The following STXBP5L variants were observed in gnomAD, a reference collection of about 807,000 sequenced individuals.
STXBP5L encodes the protein syntaxin-binding protein 5-like.
STXBP5L carries 65 observed loss-of-function variants against 144.5 expected under a neutral mutation model. The ratio of observed to expected loss-of-function variants is 0.45; its 90% CI spans 0.37 to 0.55. STXBP5L has a LOEUF of 0.55. STXBP5L is among the 20% of genes least tolerant of loss of function. The pLI, the probability that STXBP5L is intolerant of heterozygous loss-of-function variation, is 0.00. For missense variants in STXBP5L, 1,298 were observed against 1,405.5 expected (o/e 0.92, Z 1.22); for synonymous variants, 505 against 469.6 (o/e 1.08, Z -0.97).
chr3:121,208,678 G>A (rs963656857), intron 10 of STXBP5L, among the ~76,000 whole-genome samples: 3 of 151,750 alleles, frequency 2.0e-5, no homozygotes, highest in African/African-American at 4.8e-5. Context: ...TTTCTTATGT[G>A]GTATTGCACT....
chr3:121,354,919 T>C (rs1283984455), intron 20 of STXBP5L, among the ~76,000 whole-genome samples: 1 of 152,208 alleles, frequency 6.6e-6, no homozygotes, highest in African/African-American at 2.4e-5. Flanking sequence ...TTTGCTTGTC[T>C]GTAAAGGATT....
intron 5 of STXBP5L, among the ~76,000 whole-genome samples, chr3:121,048,211 G>A (rs572151268): frequency 2.6e-5 from 4 of 151,912 alleles, no homozygotes; most frequent in Non-Finnish European, 4.4e-5. Context: ...TCTATTGAAA[G>A]GTCCTCTGTT....
chr3:121,033,592 A>G (rs1165232151), intron 3 of STXBP5L, among the ~76,000 whole-genome samples: 3 of 151,330 alleles, frequency 2.0e-5, no homozygotes, highest in African/African-American at 7.3e-5. Context: ...AAAAACATTA[A>G]AAAATAAATA....
chr3:120,963,604 G>A (rs1048653548), intron 3 of STXBP5L, among the ~76,000 whole-genome samples: 4 of 152,158 alleles, frequency 2.6e-5, no homozygotes, highest in African/African-American at 7.2e-5. Flanking sequence ...AACCAGTCTT[G>A]CATCCCAGGG....
At chr3:120,988,070 A>T (rs966624588) in intron 3 of STXBP5L, among the ~76,000 whole-genome samples, 19 of 131,536 alleles carry the variant, frequency 1.4e-4, no homozygotes, top group Admixed American at 4.4e-4. Context: ...AGGTATATTT[A>T]TTTTTTTTTC....
intron 20 of STXBP5L, among the ~76,000 whole-genome samples, chr3:121,377,607 CA>C (rs1179804388): frequency 6.6e-6 from 1 of 152,150 alleles, no homozygotes; most frequent in Non-Finnish European, 1.5e-5. Context: ...AAATGCAAAT[CA>C]AAACCACAAT....
At chr3:121,021,746 C>G in intron 3 of STXBP5L, among the ~76,000 whole-genome samples, 1 of 152,168 alleles carries the variant, frequency 6.6e-6, no homozygotes, top group African/African-American at 2.4e-5. Flanking sequence ...TATCAAATCT[C>G]CTGGAATACA....
At chr3:121,147,506 A>C (rs2107966802) in intron 7 of STXBP5L, among the ~76,000 whole-genome samples, 1 of 152,306 alleles carries the variant, frequency 6.6e-6, no homozygotes, top group African/African-American at 2.4e-5. Context: ...ATTTCTTAAA[A>C]AGTGAAGAAA....
At chr3:121,197,418 C>T (rs923081611) in intron 9 of STXBP5L, among the ~76,000 whole-genome samples, 2 of 151,934 alleles carry the variant, frequency 1.3e-5, no homozygotes, top group Non-Finnish European at 2.9e-5. Flanking sequence ...ATGTTCATGC[C>T]TTTTTTCCTT....
chr3:120,954,920 T>C lies in STXBP5L; in HGVS notation c.190-20T>C, dbSNP rs201717690. On this transcript the variant is annotated intron_variant, in intron 2 of 26. Coordinates refer to ENST00000471454, the MANE Select transcript of STXBP5L (RefSeq NM_001308330.2). ...TTTTATTTCCCTAGAGACTTATTGGTATTATTTGCTCTCTTTCAGACAGTT... is the reference window on the plus strand; with the variant it reads ...TTTTATTTCCCTAGAGACTTATTGGCATTATTTGCTCTCTTTCAGACAGTT... 4 of 1,593,566 alleles carry C rather than the reference T, an allele frequency of 2.5e-6. No homozygotes were observed. The highest frequency in any genetic ancestry group is 2.2e-5 in the East Asian group (1 of 44,526).
At chr3:121,366,719 G>A (rs1308798266) in intron 20 of STXBP5L, among the ~76,000 whole-genome samples, 1 of 152,038 alleles carries the variant, frequency 6.6e-6, no homozygotes, top group African/African-American at 2.4e-5. Context: ...TTTGAGTAGA[G>A]GCTTTAATTC....
chr3:121,147,882 C>T (rs2045775421), intron 7 of STXBP5L, among the ~76,000 whole-genome samples: 1 of 152,070 alleles, frequency 6.6e-6, no homozygotes, highest in Non-Finnish European at 1.5e-5. Flanking sequence ...TTTTTCCTGC[C>T]TTTGGACTCT....
intron 22 of STXBP5L, among the ~76,000 whole-genome samples, chr3:121,393,783 TTATC>T (rs1297741281): frequency 1.3e-5 from 2 of 152,200 alleles, no homozygotes; most frequent in Admixed American, 6.5e-5. Context: ...TCTCTTCCAT[TTATC>T]TATCTATGTT....
At chr3:121,408,501 G>A (rs371090381) in intron 23 of STXBP5L, among the ~76,000 whole-genome samples, 1 of 151,834 alleles carries the variant, frequency 6.6e-6, no homozygotes, top group African/African-American at 2.4e-5. Flanking sequence ...TTCCAACAGA[G>A]GAAATATGGG....
intron 9 of STXBP5L, among the ~76,000 whole-genome samples, chr3:121,171,516 A>G (rs1436351261): frequency 6.6e-6 from 1 of 152,246 alleles, no homozygotes; most frequent in Non-Finnish European, 1.5e-5. Flanking sequence ...AAGTCTCAGA[A>G]TACAAAATCA....
intron 18 of STXBP5L, among the ~76,000 whole-genome samples, chr3:121,272,935 T>C (rs988048693): frequency 6.6e-6 from 1 of 152,022 alleles, no homozygotes; most frequent in Non-Finnish European, 1.5e-5. Context: ...TATATTTATA[T>C]ATATTTTATA....
At chr3:120,966,495 G>C (rs1288281169) in intron 3 of STXBP5L, among the ~76,000 whole-genome samples, 1 of 151,948 alleles carries the variant, frequency 6.6e-6, no homozygotes, top group Admixed American at 6.6e-5. Flanking sequence ...TGATGTTGAT[G>C]CTATTCCTTT....
chr3:121,135,657 G>A (rs2045217912), intron 7 of STXBP5L, among the ~76,000 whole-genome samples: 1 of 152,186 alleles, frequency 6.6e-6, no homozygotes, highest in Admixed American at 6.6e-5. Context: ...GCGGAGCTCT[G>A]GTGGTAATGC....
chr3:121,034,641 G>A (rs930299538), intron 3 of STXBP5L, among the ~76,000 whole-genome samples: 4 of 151,938 alleles, frequency 2.6e-5, no homozygotes, highest in African/African-American at 9.7e-5. Flanking sequence ...CACTTAGATT[G>A]ATTCCATGTA....
Sources: gnomAD v4.1 joint callset for allele counts (sites outside exome capture counted in the v4.1 genomes callset) on GRCh38, gnomAD v4.1.1 for gene constraint, MANE v1.5 for transcripts, NCBI Gene and HGNC (gene_info 2026-07-23, HGNC 2026-07-21) for gene names.